The following NEGR1 variants were observed in gnomAD, a reference collection of about 807,000 sequenced individuals.
The protein encoded by NEGR1 is IgLON family member 4.
In NEGR1, 10 loss-of-function variants were observed where a neutral mutation model predicts 40.9. That is an observed-to-expected ratio of 0.24 (90% CI 0.15 to 0.42). The LOEUF is 0.42. NEGR1 is among the 10% of genes least tolerant of loss of function. The pLI is 1.00. For missense variants in NEGR1, 352 were observed against 438.9 expected (o/e 0.80, Z 1.77); for synonymous variants, 185 against 166.8 (o/e 1.11, Z -0.84).
chr1:71,559,749 G>A (rs1648381453), intron 6 of NEGR1, among the ~76,000 whole-genome samples: 1 of 151,332 alleles, frequency 6.6e-6, no homozygotes, highest in Non-Finnish European at 1.5e-5. Context: ...ACTGTTTACA[G>A]GCAATCTAAT....
At chr1:71,826,198 A>G (rs1335879293) in intron 2 of NEGR1, among the ~76,000 whole-genome samples, 1 of 151,888 alleles carries the variant, frequency 6.6e-6, no homozygotes, top group East Asian at 1.9e-4. Context: ...CCCTGTATAC[A>G]TTGAATGAAC....
At chr1:71,716,893 T>C (rs1654296173) in intron 3 of NEGR1, among the ~76,000 whole-genome samples, 1 of 152,144 alleles carries the variant, frequency 6.6e-6, no homozygotes, top group South Asian at 2.1e-4. Context: ...AAATTTAAAT[T>C]GCAAAAAACA....
chr1:72,088,796 CTTT>C (rs71074816), intron 1 of NEGR1, among the ~76,000 whole-genome samples: 101 of 74,920 alleles, frequency 1.3e-3, no homozygotes, highest in African/African-American at 4.2e-3. Context: ...CTCTCTCTCT[CTTT>C]TTTTTTTTTT....
Position 71,466,000 on chromosome 1 carries a change from T to C in NEGR1, c.941-58430A>G, listed in dbSNP as rs556123566. On this transcript the variant is annotated intron_variant, in intron 6 of 6. Transcript: ENST00000357731. ...ATTTTATGTATTCTCTAATGGTTAA[T>C]AGTAAACTCTTTGGAGATTGACAGA... is the stretch of plus-strand genomic sequence containing the variant. Among the ~76,000 whole-genome samples the C allele has an allele frequency of 2.0e-5, 3 of 152,196 alleles. No homozygotes were observed. In the South Asian group the frequency reaches 6.2e-4, roughly 32 times the overall value.
At chr1:71,653,532 G>A (rs187125136) in intron 4 of NEGR1, among the ~76,000 whole-genome samples, 23 of 151,900 alleles carry the variant, frequency 1.5e-4, no homozygotes, top group Non-Finnish European at 3.1e-4. Flanking sequence ...TTCATTTATT[G>A]TGTTTTTTTA....
chr1:72,274,391 A>G (rs1655965397), intron 1 of NEGR1, among the ~76,000 whole-genome samples: 1 of 152,080 alleles, frequency 6.6e-6, no homozygotes, highest in African/African-American at 2.4e-5. Context: ...CAAACCGTGG[A>G]CTATTCAATT....
intron 6 of NEGR1, among the ~76,000 whole-genome samples, chr1:71,552,661 T>C (rs1219335965): frequency 6.6e-6 from 1 of 150,500 alleles, no homozygotes; most frequent in African/African-American, 2.4e-5. Context: ...GTATATATAG[T>C]ATTGTATATA....
At chr1:72,258,957 G>A (rs1009853158) in intron 1 of NEGR1, among the ~76,000 whole-genome samples, 7 of 151,924 alleles carry the variant, frequency 4.6e-5, no homozygotes, top group African/African-American at 1.7e-4. Context: ...AATTCATTAA[G>A]AACAGGAAGA....
rs1189506000 is a variant in NEGR1, at chr1:71,426,499, A to G, written c.941-18929T>C. Among the ~76,000 whole-genome samples the G allele has an allele frequency of 2.0e-5, 3 of 152,282 alleles. No individual in the cohort carries two copies. The East Asian group carries it at 5.8e-4, about 29-fold the overall frequency. ...GCCTGTAATTTATTTTAAAAAGTCA[A>G]ACTAGCAAGATCAAGCGTACTGTAG... On this transcript the variant is annotated intron_variant, in intron 6 of 6. Coordinates refer to ENST00000357731, the MANE Select transcript of NEGR1 (RefSeq NM_173808.3).
rs555187320 is a variant in NEGR1 at position 71,404,150 on chromosome 1, T to TTA, written c.*3294_*3295dup. On this transcript the variant is annotated 3_prime_UTR_variant, in exon 7 of 7. Transcript: ENST00000357731. ...TTTCTGACTTCAAATGTAGGGGTAT[T>TTA]TATATATATATATATTTTTTTTTTT... 1,594 of 152,280 alleles carry TTA rather than the reference T, an allele frequency of 0.01. 20 individuals are homozygous for TTA. Among genetic ancestry groups the TTA allele is most frequent in the South Asian group, 0.047 (215 of 4,564 alleles). The allele number at this position is 152,280 out of a possible 1,614,324, so 9.4% of individuals were successfully genotyped here. A position where few individuals can be genotyped will look rare whatever the true frequency, so the allele number is the denominator to read the frequency against.
At chr1:71,643,431 G>A (rs963432526) in intron 4 of NEGR1, among the ~76,000 whole-genome samples, 37 of 151,920 alleles carry the variant, frequency 2.4e-4, no homozygotes, top group African/African-American at 8.9e-4. Flanking sequence ...ACATTGCAAA[G>A]ATAGGCAACA....
At chr1:71,851,166 A>G (rs561396236) in intron 2 of NEGR1, among the ~76,000 whole-genome samples, 1 of 152,232 alleles carries the variant, frequency 6.6e-6, no homozygotes, top group East Asian at 1.9e-4. Flanking sequence ...GCAGCAGAAT[A>G]CCCTGGTTTG....
intron 4 of NEGR1, among the ~76,000 whole-genome samples, chr1:71,663,239 G>A (rs960977961): frequency 6.6e-6 from 1 of 152,150 alleles, no homozygotes; most frequent in Non-Finnish European, 1.5e-5. Flanking sequence ...TTACAGGCGT[G>A]AGCCACCATG....
At chr1:71,813,842 T>A (rs551266838) in intron 2 of NEGR1, among the ~76,000 whole-genome samples, 1 of 152,150 alleles carries the variant, frequency 6.6e-6, no homozygotes, top group Non-Finnish European at 1.5e-5. Context: ...GCTGAGATTA[T>A]GGGGTTTTTA....
At chr1:72,253,943 C>A (rs1333494864) in intron 1 of NEGR1, among the ~76,000 whole-genome samples, 1 of 152,054 alleles carries the variant, frequency 6.6e-6, no homozygotes. Context: ...TTTTAAATCC[C>A]ACCAACTTAC....
chr1:71,913,970 G>T (rs1661497194), intron 2 of NEGR1, among the ~76,000 whole-genome samples: 1 of 151,890 alleles, frequency 6.6e-6, no homozygotes, highest in African/African-American at 2.4e-5. Flanking sequence ...GTGAAGAGTT[G>T]ATCACAATAC....
chr1:72,216,323 T>A (rs1003436876), intron 1 of NEGR1, among the ~76,000 whole-genome samples: 1 of 148,986 alleles, frequency 6.7e-6, no homozygotes, highest in East Asian at 2.0e-4. Flanking sequence ...TGTATACCTA[T>A]GTAACAAACC....
At chr1:72,213,938 C>T (rs1478124890) in intron 1 of NEGR1, among the ~76,000 whole-genome samples, 2 of 152,002 alleles carry the variant, frequency 1.3e-5, no homozygotes, top group African/African-American at 4.8e-5. Flanking sequence ...GCCAATATCC[C>T]TGATGAACAT....
intron 1 of NEGR1, among the ~76,000 whole-genome samples, chr1:72,025,157 G>C (rs1646795620): frequency 6.6e-6 from 1 of 152,060 alleles, no homozygotes; most frequent in Non-Finnish European, 1.5e-5. Context: ...ATATAGCTAA[G>C]TTTTTACGTC....
Sources: allele counts gnomAD v4.1 joint callset (sites outside exome capture counted in the v4.1 genomes callset), GRCh38; gene constraint gnomAD v4.1.1; transcripts MANE v1.5; gene names NCBI Gene and HGNC (gene_info 2026-07-23, HGNC 2026-07-21).